RYR3: variants seen among roughly 807,000 people sequenced by gnomAD.
RYR3 encodes the protein ryanodine receptor 3, also known as brain ryanodine receptor-calcium release channel.
In RYR3, 207 loss-of-function variants were observed where a neutral mutation model predicts 584.3. That is an observed-to-expected ratio of 0.35 (90% CI 0.32 to 0.40). The LOEUF is 0.40. Among genes scored for constraint, RYR3 ranks in the 10% least tolerant of loss-of-function variants. RYR3 has a pLI of 1.00. For synonymous variants in RYR3, 2,416 were observed against 2,248.5 expected, an observed-to-expected ratio of 1.07 and a Z score of -2.11; for missense variants, 5,616 against 6,089.2, an observed-to-expected ratio of 0.92 and a Z score of 2.59.
intron 43 of RYR3, among the ~76,000 whole-genome samples, chr15:33,721,394 G>A (rs1048643125): frequency 6.6e-6 from 1 of 152,234 alleles, no homozygotes; most frequent in East Asian, 1.9e-4. Context: ...ATCCCTGACC[G>A]ATACAAATAC....
intron 1 of RYR3, among the ~76,000 whole-genome samples, chr15:33,385,977 A>G (rs2041575285): frequency 6.6e-6 from 1 of 152,056 alleles, no homozygotes; most frequent in African/African-American, 2.4e-5. Context: ...CTTGACTGGG[A>G]TAACAGATGT....
At chr15:33,333,038 C>T in intron 1 of RYR3, among the ~76,000 whole-genome samples, 1 of 104,492 alleles carries the variant, frequency 9.6e-6, no homozygotes, top group Non-Finnish European at 1.8e-5. Context: ...ATTTTTGAAA[C>T]TGAGGCAATA....
chr15:33,656,448 C>T (rs907695079), intron 32 of RYR3, among the ~76,000 whole-genome samples: 1 of 152,058 alleles, frequency 6.6e-6, no homozygotes, highest in African/African-American at 2.4e-5. Context: ...GTATGTGTTG[C>T]CAGACTGACC....
At chr15:33,578,779 C>CAA (rs371204542) in intron 12 of RYR3, among the ~76,000 whole-genome samples, 26,155 of 71,806 alleles carry the variant, frequency 0.36, 3,888 homozygotes, top group African/African-American at 0.55. Context: ...AAAAAAAAAA[C>CAA]AACAACAAAA....
In RYR3 at chr15:33,498,573, A is replaced by T. The variant is rs1389444140; in HGVS notation, c.172-5058A>T. Among the ~76,000 whole-genome samples the T allele has an allele frequency of 2.0e-5, 3 of 152,004 alleles. No homozygotes were observed. In the East Asian group the frequency reaches 5.8e-4, roughly 29 times the overall value. On this transcript the variant is annotated intron_variant, in intron 2 of 103. Coordinates refer to ENST00000634891, the MANE Select transcript of RYR3 (RefSeq NM_001036.6). ...GTTTAGTTGTTTGAGTTCCTTGTATATTCTAGATATTAATTCCTTGTTGGA... is the reference window on the plus strand; with the variant it reads ...GTTTAGTTGTTTGAGTTCCTTGTATTTTCTAGATATTAATTCCTTGTTGGA...
chr15:33,674,783 T>C (rs1275386368), intron 38 of RYR3, among the ~76,000 whole-genome samples: 1 of 104,884 alleles, frequency 9.5e-6, no homozygotes, highest in African/African-American at 3.2e-5. Flanking sequence ...GGAAAAGGCA[T>C]TTTTAATGAA....
intron 63 of RYR3, among the ~76,000 whole-genome samples, chr15:33,772,640 C>T (rs1285476498): frequency 6.6e-6 from 1 of 152,202 alleles, no homozygotes; most frequent in Non-Finnish European, 1.5e-5. Context: ...TGCATTAACA[C>T]CATATTTAGT....
intron 44 of RYR3, 93 bp downstream of exon 44, chr15:33,722,988 G>T: frequency 8.7e-7 from 1 of 1,155,702 alleles, no homozygotes; most frequent in Non-Finnish European, 1.2e-6. Flanking sequence ...AATAGAGAAA[G>T]CACATGTTCT....
rs949908214 is a variant in RYR3, at chr15:33,342,582, C to T, written c.51+31486C>T. Among the ~76,000 whole-genome samples, 16 of 150,828 alleles carry T rather than the reference C, an allele frequency of 1.1e-4. 1 individual carries two copies. Among genetic ancestry groups the T allele is most frequent in the East Asian group, 9.9e-4 (5 of 5,068 alleles). On this transcript the variant is annotated intron_variant, in intron 1 of 103. Transcript: ENST00000634891. Reference sequence around the variant, plus strand: ...CAAGGAAAATGGGTCTCTAGTTTCACGTATATAATATTATCCAATAATCAA... The same window carrying T: ...CAAGGAAAATGGGTCTCTAGTTTCATGTATATAATATTATCCAATAATCAA...
At chr15:33,426,597 A>G (rs2044673354) in intron 1 of RYR3, among the ~76,000 whole-genome samples, 1 of 152,242 alleles carries the variant, frequency 6.6e-6, no homozygotes, top group South Asian at 2.1e-4. Flanking sequence ...TTATGTACAT[A>G]TAACCCTTTT....
intron 1 of RYR3, among the ~76,000 whole-genome samples, chr15:33,326,286 C>T (rs1195851004): frequency 6.6e-6 from 1 of 152,308 alleles, no homozygotes. Context: ...CCTTATTCAT[C>T]CGTCCATCCA....
At chr15:33,580,399 TC>T (rs2058529839) in intron 13 of RYR3, among the ~76,000 whole-genome samples, 1 of 152,158 alleles carries the variant, frequency 6.6e-6, no homozygotes, top group Admixed American at 6.5e-5. Flanking sequence ...ATATACATTT[TC>T]AGTAAATTTC....
At chr15:33,828,256 C>CG (rs1220058774) in intron 85 of RYR3, among the ~76,000 whole-genome samples, 1 of 152,186 alleles carries the variant, frequency 6.6e-6, no homozygotes, top group East Asian at 1.9e-4. Flanking sequence ...CCTCCTTCTC[C>CG]TCAGGCCTTC....
In RYR3 at chr15:33,628,571, G is replaced by A. The variant is rs1265752109; in HGVS notation, c.2675G>A (p.Gly892Asp). 1.2e-6 allele frequency: 2 copies of A among 1,606,530 alleles called. No individual in the cohort carries two copies. Among genetic ancestry groups the A allele is most frequent in the Admixed American group, 1.7e-5 (1 of 60,000 alleles). ...MNKIELGWTF[G>D]KIRDDNKRQH... Reference sequence around the variant, plus strand: ...AAAATAGAACTTGGCTGGACTTTCGGCAAGGTATGTGTCTCAGGGCCAGGT... The same window carrying A: ...AAAATAGAACTTGGCTGGACTTTCGACAAGGTATGTGTCTCAGGGCCAGGT... Residue 892 changes from glycine (G) to aspartate (D), a missense_variant, in exon 21 of 104, where the codon GGC becomes GAC. By Grantham distance (94) the Gly-to-Asp change is moderately conservative (BLOSUM62 -1). Around this residue, in one of 9 missense-constraint regions of RYR3, gnomAD observed 1,284 missense variants for 1,344.6 expected, o/e 0.95. Coordinates refer to ENST00000634891, the MANE Select transcript of RYR3 (RefSeq NM_001036.6).
At chr15:33,318,732 A>G (rs1051885025) in intron 1 of RYR3, among the ~76,000 whole-genome samples, 3 of 152,222 alleles carry the variant, frequency 2.0e-5, no homozygotes, top group Admixed American at 6.5e-5. Flanking sequence ...TCAGAAGAGC[A>G]TTATTCACCA....
intron 38 of RYR3, 138 bp from the exon 39 acceptor site, chr15:33,696,079 GC>G: frequency 1.4e-6 from 1 of 698,564 alleles, no homozygotes; most frequent in Non-Finnish European, 2.3e-6. Context: ...ATAGGCATGA[GC>G]CACTGCACAT....
At chr15:33,533,286 A>G (rs1045239436) in intron 4 of RYR3, 25 bp from the exon 5 acceptor site, 1 of 1,518,266 alleles carries the variant, frequency 6.6e-7, no homozygotes. Flanking sequence ...GTGTGACTTC[A>G]CTAGTATTTG....
At chr15:33,683,334 C>T (rs1168826981) in intron 38 of RYR3, among the ~76,000 whole-genome samples, 1 of 151,998 alleles carries the variant, frequency 6.6e-6, no homozygotes, top group East Asian at 1.9e-4. Context: ...ATTTTGTAGT[C>T]ACTAAAGGGT....
intron 2 of RYR3, among the ~76,000 whole-genome samples, chr15:33,474,062 T>C (rs372589900): frequency 1.4e-4 from 21 of 152,338 alleles, no homozygotes; most frequent in African/African-American, 5.1e-4. Flanking sequence ...GTGGCAATAA[T>C]GCTGTGTCTT....
Sources: gnomAD v4.1 joint callset for allele counts (sites outside exome capture counted in the v4.1 genomes callset) on GRCh38, gnomAD v4.1.1 for gene constraint, gnomAD v4.1.1 regional missense constraint, MANE v1.5 for transcripts, NCBI Gene and HGNC (gene_info 2026-07-23, HGNC 2026-07-21) for gene names.